Variants in SPATA6 observed in about 807,000 individuals in gnomAD.
SPATA6 encodes spermatogenesis-associated protein 6.
A neutral mutation model predicts 65.3 loss-of-function variants in SPATA6; 56 were observed. That is an observed-to-expected ratio of 0.86 (90% CI 0.69 to 1.07). The LOEUF is 1.07. Ranked by LOEUF, SPATA6 falls within the 50% of genes least tolerant of loss-of-function variation. The pLI is 0.00. For synonymous variants in SPATA6, 199 were observed against 213.2 expected (o/e 0.93, Z 0.58); for missense variants, 590 against 594.8 (o/e 0.99, Z 0.08).
intron 3 of SPATA6, among the ~76,000 whole-genome samples, chr1:48,417,433 G>C (rs1172619002): frequency 6.6e-6 from 1 of 152,122 alleles, no homozygotes; most frequent in African/African-American, 2.4e-5. Context: ...AATTAATAGA[G>C]AAATATATAT....
At chr1:48,393,283 CAT>C (rs1222485590) in intron 8 of SPATA6, 1 of 152,104 alleles carries the variant, frequency 6.6e-6, no homozygotes, top group African/African-American at 2.4e-5. Flanking sequence ...GAGAGTAACA[CAT>C]CACTTCTGTT....
chr1:48,302,981 T>C (rs1644976553), intron 12 of SPATA6, among the ~76,000 whole-genome samples: 1 of 152,068 alleles, frequency 6.6e-6, no homozygotes, highest in Non-Finnish European at 1.5e-5. Context: ...TAGTTAGTTA[T>C]TTCTGGGAGC....
At chr1:48,278,833 C>G in the SPATA6 span, among the ~76,000 whole-genome samples, 1 of 152,100 alleles carries the variant, frequency 6.6e-6, no homozygotes, top group Admixed American at 6.6e-5. Flanking sequence ...TACAGAAACG[C>G]CACAAAGATA....
chr1:48,395,128 A>G, intron 8 of SPATA6, 139 bp downstream of exon 8: 1 of 485,042 alleles, frequency 2.1e-6, no homozygotes, highest in South Asian at 5.7e-5. Flanking sequence ...TTTACAACAT[A>G]CAAGTTGTAA....
rs1192432982 is a variant in SPATA6, at chr1:48,400,758, G to C, written c.487-1114C>G. 8 of 1,286,392 alleles carry C rather than the reference G, an allele frequency of 6.2e-6. No individual in the cohort carries two copies. In the Admixed American group the frequency reaches 1.9e-4, roughly 30 times the overall value. 79.7% of individuals were successfully genotyped at this position (1,286,392 alleles called of 1,614,324 possible). A position where few individuals can be genotyped will look rare whatever the true frequency, so the allele number is the denominator to read the frequency against. On this transcript the variant is annotated intron_variant, in intron 6 of 12. Transcript: ENST00000371847. ...AGTTTCAGCTAGGGCAATGGTCTATGCATTTCATACAGACCAGTTGCATCA... is the reference window on the plus strand; with the variant it reads ...AGTTTCAGCTAGGGCAATGGTCTATCCATTTCATACAGACCAGTTGCATCA...
chr1:48,355,687 G>T lies in SPATA6; in HGVS notation c.1177C>A (p.His393Asn), dbSNP rs182451992. ...VKNVLKSHQA[H>N]QRHLYDERDL... The stretch of plus-strand genomic sequence containing the variant: ...AAACTAACATATAAATGTCTTTGAT[G>T]AGCCTGATGTGATTTCAAGACATTT... Residue 393 changes from histidine (H) to asparagine (N), a missense_variant, in exon 11 of 13, where the codon CAT (histidine) becomes AAT (asparagine). Physicochemically the swap from His to Asn is moderately conservative, Grantham distance 68. Coordinates refer to ENST00000371847, the MANE Select transcript of SPATA6 (RefSeq NM_019073.4). 6.7e-5 allele frequency: 108 copies of T among 1,610,922 alleles called. No individual in the cohort carries two copies. The Admixed American group carries it at 1.8e-3, about 26-fold the overall frequency.
At chr1:48,324,260 G>C (rs72891563) in intron 11 of SPATA6, among the ~76,000 whole-genome samples, 3,746 of 152,132 alleles carry the variant, frequency 0.025, 100 homozygotes, top group African/African-American at 0.067. Flanking sequence ...GCCTTGCAAC[G>C]CAAACATTGG....
intron 1 of SPATA6, among the ~76,000 whole-genome samples, chr1:48,467,411 CA>C (rs1353043325): frequency 6.6e-6 from 1 of 151,772 alleles, no homozygotes; most frequent in Non-Finnish European, 1.5e-5. Context: ...AATGTCACCA[CA>C]AAAAGAAGAA....
chr1:48,307,099 T>C (rs922774352), intron 11 of SPATA6, among the ~76,000 whole-genome samples: 1 of 151,708 alleles, frequency 6.6e-6, no homozygotes, highest in African/African-American at 2.4e-5. Context: ...GTGGAGCATT[T>C]ACTGTATTAT....
downstream of SPATA6, among the ~76,000 whole-genome samples, chr1:48,291,825 CCA>C (rs1485673065): frequency 1.3e-5 from 2 of 152,212 alleles, no homozygotes; most frequent in Non-Finnish European, 2.9e-5. Context: ...CTGTGGGTCT[CCA>C]CACACTGCTC....
intron 1 of SPATA6, among the ~76,000 whole-genome samples, chr1:48,465,178 T>A (rs894748699): frequency 2.0e-5 from 3 of 152,088 alleles, no homozygotes; most frequent in African/African-American, 7.2e-5. Flanking sequence ...ATATTGGTAG[T>A]CACAGAAAAG....
At chr1:48,437,093 G>A in intron 3 of SPATA6, 1 of 1,597,950 alleles carries the variant, frequency 6.3e-7, no homozygotes, top group Non-Finnish European at 8.6e-7. Flanking sequence ...AAAGAAGAAA[G>A]CCAGGATTCA....
chr1:48,405,659 G>C (rs1415789869), intron 5 of SPATA6, among the ~76,000 whole-genome samples: 1 of 152,162 alleles, frequency 6.6e-6, no homozygotes, highest in Non-Finnish European at 1.5e-5. Context: ...GATGATCCAA[G>C]AGCAAAGCAA....
At chr1:48,380,166 T>C (rs1046036700) in intron 9 of SPATA6, among the ~76,000 whole-genome samples, 1 of 152,252 alleles carries the variant, frequency 6.6e-6, no homozygotes, top group Non-Finnish European at 1.5e-5. Flanking sequence ...CCTACTTTTC[T>C]AGAAAATGTT....
intron 9 of SPATA6, among the ~76,000 whole-genome samples, chr1:48,369,986 T>C (rs1162208176): frequency 1.3e-5 from 2 of 152,226 alleles, no homozygotes; most frequent in Non-Finnish European, 2.9e-5. Flanking sequence ...TTCAAATCTA[T>C]GATATGCAGA....
the SPATA6 span, among the ~76,000 whole-genome samples, chr1:48,289,068 G>A: frequency 2.6e-5 from 4 of 152,076 alleles, no homozygotes; most frequent in Non-Finnish European, 5.9e-5. Context: ...TCCTGACCCC[G>A]AGTAGCCTAA....
chr1:48,369,752 G>A (rs542169447), intron 9 of SPATA6, among the ~76,000 whole-genome samples: 31 of 152,328 alleles, frequency 2.0e-4, no homozygotes, highest in Non-Finnish European at 3.7e-4. Context: ...GCCTCGTCCT[G>A]CTTTGGCTTG....
At chr1:48,437,496 A>G (rs528974447) in intron 3 of SPATA6, among the ~76,000 whole-genome samples, 15 of 152,252 alleles carry the variant, frequency 9.9e-5, no homozygotes, top group Admixed American at 9.8e-4. Context: ...AACTCTTTTT[A>G]TCTCTCAATA....
intron 5 of SPATA6, among the ~76,000 whole-genome samples, chr1:48,405,450 C>T (rs1279584097): frequency 6.6e-6 from 1 of 152,120 alleles, no homozygotes; most frequent in East Asian, 1.9e-4. Flanking sequence ...AAATTGTGGT[C>T]AAGATGTCAT....
Sources: gnomAD v4.1 joint callset for allele counts (sites outside exome capture counted in the v4.1 genomes callset) on GRCh38, gnomAD v4.1.1 for gene constraint, MANE v1.5 for transcripts, NCBI Gene and HGNC (gene_info 2026-07-23, HGNC 2026-07-21) for gene names.